MRC1: variants seen among roughly 807,000 people sequenced by gnomAD.
MRC1 encodes the protein macrophage mannose receptor 1.
In MRC1, 62 loss-of-function variants were observed where a neutral mutation model predicts 102.9. That is an observed-to-expected ratio of 0.60 (90% CI 0.49 to 0.74). The LOEUF is 0.74. MRC1 is among the 30% of genes least tolerant of loss of function. The pLI is 0.00. For missense variants in MRC1, 1,237 were observed against 862.8 expected (o/e 1.43, Z -5.43); for synonymous variants, 457 against 298.4 (o/e 1.53, Z -5.48).
At position 17,881,127 on chromosome 10, in the gene MRC1, G is replaced by T. The variant is rs1833509181; in HGVS notation, c.2926G>T (p.Ala976Ser). The T allele has an allele frequency of 1.4e-5, 11 of 780,646 alleles. No homozygotes were observed. Among genetic ancestry groups the T allele is most frequent in the East Asian group, 4.8e-5 (2 of 41,242 alleles). The allele number at this position is 780,646 out of a possible 1,614,324, so 48.4% of individuals were successfully genotyped here. A position where few individuals can be genotyped will look rare whatever the true frequency, so the allele number is the denominator to read the frequency against. ...AAAAAATTGGCAAGAGGCACGAAAA[G>T]CTTGTATAGGCTTTGGAGGGAATCT... Reference protein sequence around the residue: ...ERKNWQEARKACIGFGGNLVS... With the variant: ...ERKNWQEARKSCIGFGGNLVS... The change falls in exon 21 of 30, where the codon GCT (alanine) becomes TCT (serine). Residue 976 changes from alanine (A) to serine (S), a missense_variant. Physicochemically the swap from Ala to Ser is moderately conservative, Grantham distance 99. Transcript: ENST00000569591.
rs1213618358 is a variant in MRC1 at position 17,902,116 on chromosome 10, C to T, written c.3793C>T (p.Arg1265Ter). 3.8e-6 allele frequency: 3 copies of T among 780,266 alleles called. No individual in the cohort carries two copies. Among genetic ancestry groups the T allele is most frequent in the Admixed American group, 1.7e-5 (1 of 58,990 alleles). The allele number at this position is 780,266 out of a possible 1,614,324, so 48.3% of individuals were successfully genotyped here. A position where few individuals can be genotyped will look rare whatever the true frequency, so the allele number is the denominator to read the frequency against. Residue 1265 changes from arginine (R) to a stop codon, truncating the protein, a stop_gained, in exon 26 of 30, where the codon CGA becomes TGA. Coordinates refer to ENST00000569591, the MANE Select transcript of MRC1 (RefSeq NM_002438.4). LOFTEE classifies it high-confidence loss of function. ...NWGQASLECL[R>*]MGSSLVSIES... ...GGGCCAAGCTTCTCTGGAATGTCTT[C>T]GAATGGGTGAGTGCCACATTTCCTG...
intron 9 of MRC1, among the ~76,000 whole-genome samples, chr10:17,857,305 C>G (rs1006723941): frequency 1.7e-4 from 26 of 152,180 alleles, no homozygotes; most frequent in Non-Finnish European, 8.8e-5. Flanking sequence ...GGTCTCCTGT[C>G]CCTAAACAAC....
At position 17,894,288 on chromosome 10, in the gene MRC1, G is replaced by A. The variant is rs782379085; in HGVS notation, c.3226G>A (p.Gly1076Ser). ...WMDDTCDSKR[G>S]YICQTRSDPS... ...GGATGATACCTGCGACAGTAAACGA[G>A]GCTACATATGCCAGACACGATCCGG... Residue 1076 changes from glycine to serine, a missense_variant, in exon 23 of 30, where the codon GGC becomes AGC. Transcript: ENST00000569591. The A allele has an allele frequency of 1.7e-4, 151 of 872,482 alleles. 3 individuals are homozygous for A. The South Asian group carries it at 1.8e-3, about 11-fold the overall frequency. The allele number at this position is 872,482 out of a possible 1,614,324, so 54.0% of individuals were successfully genotyped here.
chr10:17,909,936 A>G (rs1833946698), intron 29 of MRC1, among the ~76,000 whole-genome samples: 1 of 152,056 alleles, frequency 6.6e-6, no homozygotes, highest in Non-Finnish European at 1.5e-5. Context: ...ACAGCCTTAA[A>G]TTATTTTGAA....
chr10:17,827,935 C>T (rs1293197103), intron 3 of MRC1, among the ~76,000 whole-genome samples: 2 of 152,142 alleles, frequency 1.3e-5, no homozygotes, highest in Non-Finnish European at 2.9e-5. Context: ...GGACTTTATA[C>T]TGTAGGCTTT....
Position 17,856,336 on chromosome 10 carries a change from A to G in MRC1, c.1502A>G (p.Glu501Gly). ...RSQGPEIVEV[E>G]KGCRKGWKKH... is the part of the protein sequence containing the mutation. ...CAAGGTCCAGAAATAGTGGAAGTCGAAAAAGGCTGCAGGAAAGTGAGTGCA... is the reference window on the plus strand; with the variant it reads ...CAAGGTCCAGAAATAGTGGAAGTCGGAAAAGGCTGCAGGAAAGTGAGTGCA... Residue 501 changes from glutamate to glycine, a missense_variant, in exon 9 of 30, where the codon GAA becomes GGA. Coordinates refer to ENST00000569591, the MANE Select transcript of MRC1 (RefSeq NM_002438.4). The G allele has an allele frequency of 1.2e-6, 1 of 855,188 alleles. No individual in the cohort carries two copies. The highest frequency in any genetic ancestry group is 2.0e-6 in the Non-Finnish European group (1 of 492,880). The allele number at this position is 855,188 out of a possible 1,614,324, so 53.0% of individuals were successfully genotyped here.
intron 1 of MRC1, among the ~76,000 whole-genome samples, chr10:17,820,485 T>C (rs1394269800): frequency 6.6e-6 from 1 of 152,226 alleles, no homozygotes. Flanking sequence ...ACACTGTTCA[T>C]GCATAAAGAT....
intron 1 of MRC1, among the ~76,000 whole-genome samples, chr10:17,813,833 C>A (rs954759680): frequency 2.6e-5 from 4 of 151,558 alleles, no homozygotes; most frequent in Non-Finnish European, 4.4e-5. Context: ...AAGTAGCTGG[C>A]ACCACAGGTG....
At chr10:17,901,404 T>C (rs1465446322) in intron 25 of MRC1, among the ~76,000 whole-genome samples, 5 of 152,146 alleles carry the variant, frequency 3.3e-5, no homozygotes, top group African/African-American at 1.2e-4. Context: ...AAATTTATCT[T>C]TGGGCCGGGT....
chr10:17,817,748 C>T (rs1305454187), intron 1 of MRC1, among the ~76,000 whole-genome samples: 5 of 151,996 alleles, frequency 3.3e-5, no homozygotes, highest in Non-Finnish European at 7.4e-5. Flanking sequence ...TCATCTTTGC[C>T]GTATTTCTGT....
intron 9 of MRC1, 127 bp downstream of exon 9, chr10:17,856,479 A>G (rs1833094912): frequency 7.3e-6 from 5 of 685,100 alleles, no homozygotes; most frequent in African/African-American, 1.8e-5. Context: ...TCAGTCTTCA[A>G]TAGTTTATTG....
At chr10:17,827,057 C>G (rs980557517) in intron 2 of MRC1, among the ~76,000 whole-genome samples, 3 of 151,902 alleles carry the variant, frequency 2.0e-5, no homozygotes, top group African/African-American at 7.3e-5. Flanking sequence ...AGAGAAAGAA[C>G]TGTTTCAGAG....
At chr10:17,895,211 G>A (rs1041933770) in intron 23 of MRC1, among the ~76,000 whole-genome samples, 26 of 151,664 alleles carry the variant, frequency 1.7e-4, no homozygotes, top group Middle Eastern at 6.8e-3. Flanking sequence ...GAGACCCTTT[G>A]TCACAAAAAT....
At chr10:17,861,263 A>T in intron 9 of MRC1, 124 bp from the exon 10 acceptor site, 2 of 558,982 alleles carry the variant, frequency 3.6e-6, no homozygotes, top group Non-Finnish European at 6.5e-6. Flanking sequence ...CAGTGAGCCA[A>T]GATTGCGCCA....
chr10:17,888,453 C>T (rs1833630346), intron 22 of MRC1, among the ~76,000 whole-genome samples: 2 of 152,170 alleles, frequency 1.3e-5, no homozygotes, highest in East Asian at 3.9e-4. Flanking sequence ...TTCACAGTGA[C>T]ATGTCTCTTA....
At position 17,881,165 on chromosome 10, in the gene MRC1, A is replaced by G. The variant is rs1466054571; in HGVS notation, c.2964A>G (p.Gln988=). 1.3e-6 allele frequency: 1 copy of G among 780,522 alleles called. No homozygotes were observed. The highest frequency in any genetic ancestry group is 2.4e-6 in the Non-Finnish European group (1 of 417,924). The allele number at this position is 780,522 out of a possible 1,614,324, so 48.3% of individuals were successfully genotyped here. ...IGFGGNLVSI[Q]NEKEQAFLTY... is the part of the protein sequence containing the mutation. ...TTGGAGGGAATCTGGTCTCCATACA[A>G]AATGAAAAAGAGCAAGGTAGGCAGG... Residue 988 remains glutamine (Q), a synonymous_variant, in exon 21 of 30, where the codon CAA becomes CAG. Coordinates refer to ENST00000569591, the MANE Select transcript of MRC1 (RefSeq NM_002438.4).
At chr10:17,903,366 A>AT (rs1833853558) in intron 26 of MRC1, among the ~76,000 whole-genome samples, 1 of 90,802 alleles carries the variant, frequency 1.1e-5, no homozygotes, top group South Asian at 3.5e-4. Context: ...CATCATTTTA[A>AT]TTTTCTTTTT....
At chr10:17,832,079 G>A (rs1226179174) in intron 3 of MRC1, among the ~76,000 whole-genome samples, 2 of 151,568 alleles carry the variant, frequency 1.3e-5, no homozygotes, top group Admixed American at 1.3e-4. Flanking sequence ...CAAGTCTCCA[G>A]TGAGCGATAG....
At chr10:17,846,682 C>G (rs1838830480) in intron 6 of MRC1, among the ~76,000 whole-genome samples, 1 of 152,098 alleles carries the variant, frequency 6.6e-6, no homozygotes, top group Non-Finnish European at 1.5e-5. Flanking sequence ...TGGCAGTATA[C>G]TATAATATGT....
Sources: allele counts gnomAD v4.1 joint callset (sites outside exome capture counted in the v4.1 genomes callset), GRCh38; gene constraint gnomAD v4.1.1; transcripts MANE v1.5; gene names NCBI Gene and HGNC (gene_info 2026-07-23, HGNC 2026-07-21).